The following TMPRSS11D variants were observed in gnomAD, a reference collection of about 807,000 sequenced individuals.
TMPRSS11D encodes the protein transmembrane protease serine 11D.
Under a neutral mutation model 44.4 loss-of-function variants are expected in TMPRSS11D, and 32 were observed. The ratio of observed to expected loss-of-function variants is 0.72; its 90% CI spans 0.54 to 0.97. The LOEUF (loss-of-function observed/expected upper bound fraction) is 0.97, where lower values mean the gene tolerates loss of function less well. Among genes scored for constraint, TMPRSS11D ranks in the 50% least tolerant of loss-of-function variants. The pLI is 0.00. For missense variants in TMPRSS11D, 446 were observed against 502.6 expected, an observed-to-expected ratio of 0.89 and a Z score of 1.08; for synonymous variants, 179 against 177.9, an observed-to-expected ratio of 1.01 and a Z score of -0.05.
intron 5 of TMPRSS11D, among the ~76,000 whole-genome samples, chr4:67,836,435 C>A (rs968561277): frequency 6.6e-6 from 1 of 152,154 alleles, no homozygotes; most frequent in Non-Finnish European, 1.5e-5. Flanking sequence ...CCGACTTATG[C>A]AAAGTTATTT....
intron 2 of TMPRSS11D, among the ~76,000 whole-genome samples, chr4:67,856,729 T>G (rs1718644703): frequency 6.6e-6 from 1 of 152,046 alleles, no homozygotes; most frequent in African/African-American, 2.4e-5. Flanking sequence ...TTGCCAACTG[T>G]TCATCTGACA....
Position 67,858,265 on chromosome 4 carries a change from A to G in TMPRSS11D, c.130+1292T>C, listed in dbSNP as rs79406175. Among the ~76,000 whole-genome samples, 489 of 152,318 alleles carry G rather than the reference A, an allele frequency of 3.2e-3. 2 individuals carry two copies. The highest frequency in any genetic ancestry group is 0.011 in the African/African-American group (458 of 41,582). On this transcript the variant is annotated intron_variant, in intron 2 of 9. Coordinates refer to ENST00000283916, the MANE Select transcript of TMPRSS11D (RefSeq NM_004262.3). ...GGGTGGTTGTTTGTAGTGGAAGATC[A>G]AGTCATTTGGGGGCCATAAGTGATC... is the stretch of plus-strand genomic sequence containing the variant.
At chr4:67,870,149 T>G (rs1719022294) in intron 1 of TMPRSS11D, among the ~76,000 whole-genome samples, 1 of 152,212 alleles carries the variant, frequency 6.6e-6, no homozygotes, top group Non-Finnish European at 1.5e-5. Flanking sequence ...AGTAAAATTT[T>G]TATAGTGAAC....
At chr4:67,860,989 G>A (rs542596820) in intron 1 of TMPRSS11D, among the ~76,000 whole-genome samples, 4 of 152,244 alleles carry the variant, frequency 2.6e-5, no homozygotes, top group South Asian at 2.1e-4. Context: ...ACTGTTGGAA[G>A]CAGACATAGA....
intron 4 of TMPRSS11D, among the ~76,000 whole-genome samples, chr4:67,839,761 A>G (rs77206625): frequency 0.011 from 1,721 of 152,200 alleles, 27 homozygotes; most frequent in African/African-American, 0.038. Flanking sequence ...ATTCATAAGC[A>G]TGGGCCTGGC....
intron 3 of TMPRSS11D, among the ~76,000 whole-genome samples, chr4:67,845,583 C>T (rs1392109328): frequency 6.6e-6 from 1 of 152,204 alleles, no homozygotes; most frequent in East Asian, 1.9e-4. Context: ...AGCCTTTTCC[C>T]TCCCTCTACA....
At chr4:67,874,441 A>G (rs533776336) in intron 1 of TMPRSS11D, among the ~76,000 whole-genome samples, 3 of 152,222 alleles carry the variant, frequency 2.0e-5, no homozygotes, top group African/African-American at 7.2e-5. Flanking sequence ...ATGTGTCCCA[A>G]AGTGGTGAGA....
chr4:67,878,013 A>C (rs186240998), intron 1 of TMPRSS11D, among the ~76,000 whole-genome samples: 114 of 152,342 alleles, frequency 7.5e-4, no homozygotes, highest in Admixed American at 1.6e-3. Flanking sequence ...TATAATAAAA[A>C]ATGAAAACGG....
At chr4:67,864,456 A>G (rs1577827605) in intron 1 of TMPRSS11D, among the ~76,000 whole-genome samples, 1 of 152,082 alleles carries the variant, frequency 6.6e-6, no homozygotes, top group Admixed American at 6.6e-5. Flanking sequence ...ACATGAAAGT[A>G]TAAAACTCAC....
At chr4:67,873,646 T>C (rs540412107) in intron 1 of TMPRSS11D, among the ~76,000 whole-genome samples, 1 of 152,316 alleles carries the variant, frequency 6.6e-6, no homozygotes, top group East Asian at 1.9e-4. Flanking sequence ...ATATGTGAAT[T>C]GCCTATTAAA....
intron 3 of TMPRSS11D, among the ~76,000 whole-genome samples, chr4:67,848,389 G>A (rs1577816124): frequency 6.6e-6 from 1 of 152,106 alleles, no homozygotes; most frequent in East Asian, 1.9e-4. Context: ...TTCAACAATT[G>A]TTTTTGAGCA....
At chr4:67,836,894 C>A (rs1391491867) in intron 5 of TMPRSS11D, among the ~76,000 whole-genome samples, 1 of 152,120 alleles carries the variant, frequency 6.6e-6, no homozygotes, top group Non-Finnish European at 1.5e-5. Context: ...TTCTTTTTCT[C>A]ATCTCAAAAT....
chr4:67,833,457 A>G, intron 6 of TMPRSS11D, 76 bp from the exon 7 acceptor site: 1 of 1,299,652 alleles, frequency 7.7e-7, no homozygotes, highest in Non-Finnish European at 1.0e-6. Flanking sequence ...GAGTCTTTCC[A>G]TAATTTATGA....
At chr4:67,830,473 A>C (rs760938898) in intron 7 of TMPRSS11D, among the ~76,000 whole-genome samples, 6 of 152,240 alleles carry the variant, frequency 3.9e-5, no homozygotes, top group Non-Finnish European at 8.8e-5. Context: ...TAGGAGTTTT[A>C]TGGAGATTAG....
At chr4:67,878,695 G>A (rs1293171583) in intron 1 of TMPRSS11D, among the ~76,000 whole-genome samples, 2 of 152,122 alleles carry the variant, frequency 1.3e-5, no homozygotes, top group Admixed American at 1.3e-4. Context: ...GGAGGCCGAG[G>A]TGGGCAGATC....
chr4:67,860,633 G>A (rs1373547133), intron 1 of TMPRSS11D, among the ~76,000 whole-genome samples: 2 of 152,024 alleles, frequency 1.3e-5, no homozygotes, highest in East Asian at 1.9e-4. Context: ...ATGCTTGGGT[G>A]ATATAGGTGT....
intron 3 of TMPRSS11D, among the ~76,000 whole-genome samples, chr4:67,851,522 C>G (rs376497001): frequency 5.9e-5 from 9 of 152,270 alleles, no homozygotes; most frequent in Admixed American, 2.0e-4. Context: ...CCTAGCCTCA[C>G]CCGGACTATA....
In TMPRSS11D at chr4:67,880,076, G is replaced by A. The variant is rs116895636; in HGVS notation, c.8+3850C>T. ...CCATAAGTTTTTTAGGAATATATCC[G>A]TGAATGGTGAAACCATGAAGAAAAT... On this transcript the variant is annotated intron_variant, in intron 1 of 9. Coordinates refer to ENST00000283916, the MANE Select transcript of TMPRSS11D (RefSeq NM_004262.3). 5.9e-5 allele frequency among the ~76,000 whole-genome samples: 9 copies of A among 152,198 alleles called. No homozygotes were observed. The East Asian group carries it at 9.6e-4, about 16-fold the overall frequency.
At chr4:67,870,542 C>T (rs1377708761) in intron 1 of TMPRSS11D, among the ~76,000 whole-genome samples, 1 of 151,920 alleles carries the variant, frequency 6.6e-6, no homozygotes, top group East Asian at 1.9e-4. Flanking sequence ...CGGCCGGGCG[C>T]GGTGGCCCAC....
Sources: allele counts gnomAD v4.1 joint callset (sites outside exome capture counted in the v4.1 genomes callset), GRCh38; gene constraint gnomAD v4.1.1; transcripts MANE v1.5; gene names NCBI Gene and HGNC (gene_info 2026-07-23, HGNC 2026-07-21).